Variants in SMTN observed in about 807,000 individuals in gnomAD.
The protein encoded by SMTN is smoothelin.
SMTN carries 58 observed loss-of-function variants against 102.0 expected under a neutral mutation model. The observed-to-expected ratio is 0.57, with a 90% CI of 0.46 to 0.71. The LOEUF is 0.71. Among genes scored for constraint, SMTN ranks in the 30% least tolerant of loss-of-function variants. The probability of loss-of-function intolerance (pLI) is 0.00; values close to 1 mark genes in which losing one functional copy is unlikely to be tolerated. For missense variants in SMTN, 1,185 were observed against 1,241.7 expected (o/e 0.95, Z 0.69); for synonymous variants, 478 against 497.9 (o/e 0.96, Z 0.53).
At chr22:31,099,258 T>G (rs371050897) in intron 18 of SMTN, 79 bp downstream of exon 18, 8 of 873,112 alleles carry the variant, frequency 9.2e-6, no homozygotes, top group African/African-American at 1.7e-5. Flanking sequence ...GAGCTCCTAT[T>G]ACCCAGTACA....
At chr22:31,072,741 C>T (rs1324055051) in intron 1 of SMTN, among the ~76,000 whole-genome samples, 1 of 152,140 alleles carries the variant, frequency 6.6e-6, no homozygotes, top group Admixed American at 6.6e-5. Context: ...GGATTACAGG[C>T]ATGAGCCACT....
chr22:31,100,867 GC>G lies in SMTN; in HGVS notation c.2604-13del. ...TGCCCCCGTCCCCCACCCCTTCCCG[GC>G]CCCCTACCCTCCCCAGGACCCATGC... On this transcript the variant is annotated splice_polypyrimidine_tract_variant and intron_variant, in intron 19 of 20. Transcript: ENST00000333137. 2 of 956,210 alleles carry G rather than the reference GC, an allele frequency of 2.1e-6. No individual in the cohort carries two copies. The highest frequency in any genetic ancestry group is 2.6e-5 in the Admixed American group (1 of 37,792). The allele number at this position is 956,210 out of a possible 1,614,324, so 59.2% of individuals were successfully genotyped here. A position where few individuals can be genotyped will look rare whatever the true frequency, so the allele number is the denominator to read the frequency against.
chr22:31,090,820 C>T lies in SMTN; in HGVS notation c.878C>T (p.Pro293Leu), dbSNP rs751724254. 6.2e-7 allele frequency: 1 copy of T among 1,613,638 alleles called. No individual in the cohort carries two copies. Among genetic ancestry groups the T allele is most frequent in the Non-Finnish European group, 8.5e-7 (1 of 1,179,800 alleles). ...SDTKRADVAGPRPCQRSLSVL... is the reference protein window; with the variant it reads ...SDTKRADVAGLRPCQRSLSVL... ...CCCAACCTGCCAGACGTGGCTGGAC[C>T]CCGACCCTGCCAACGCTCCCTGTCG... The change falls in exon 9 of 21, where the codon CCC becomes CTC. Residue 293 changes from proline (P) to leucine (L), a missense_variant. Pro to Leu is a moderately conservative substitution (Grantham distance 98). This residue lies in a region of SMTN where 1,096 missense variants were observed against 1,112.7 expected (regional missense o/e 0.98). Coordinates refer to ENST00000333137, the MANE Select transcript of SMTN (RefSeq NM_134269.3).
intron 3 of SMTN, 70 bp from the exon 4 acceptor site, chr22:31,088,443 C>A: frequency 7.1e-7 from 1 of 1,398,786 alleles, no homozygotes; most frequent in Non-Finnish European, 1.0e-6. Flanking sequence ...TGTTCTGGCT[C>A]CTACCCTTAG....
chr22:31,084,191 T>C (rs2042505190), intron 2 of SMTN, among the ~76,000 whole-genome samples: 1 of 152,288 alleles, frequency 6.6e-6, no homozygotes, highest in Admixed American at 6.5e-5. Flanking sequence ...GCAGGGCTCC[T>C]TCCCCAACCC....
chr22:31,088,677 G>A (rs775029027), intron 4 of SMTN, 22 bp from the exon 5 acceptor site: 56 of 1,613,622 alleles, frequency 3.5e-5, no homozygotes, highest in Non-Finnish European at 4.3e-5. Context: ...CCCAACACCC[G>A]CGACCTGTCT....
intron 1 of SMTN, chr22:31,082,863 C>T: frequency 6.5e-7 from 1 of 1,533,406 alleles, no homozygotes; most frequent in Non-Finnish European, 8.8e-7. Context: ...GTGGGTCTTG[C>T]CAGGCCCTGG....
chr22:31,098,944 A>T, intron 17 of SMTN, 104 bp downstream of exon 17: 2 of 1,547,470 alleles, frequency 1.3e-6, no homozygotes, highest in Admixed American at 3.3e-5. Flanking sequence ...CCGCGCGGCT[A>T]GATCTGTGGT....
chr22:31,092,505 C>T (rs191483159), intron 11 of SMTN: 1 of 471,204 alleles, frequency 2.1e-6, no homozygotes, highest in Admixed American at 2.3e-5. Context: ...GAAAGGGATC[C>T]CCAAGCGGGC....
intron 1 of SMTN, among the ~76,000 whole-genome samples, chr22:31,070,848 C>A (rs563133276): frequency 1.4e-4 from 21 of 150,146 alleles, no homozygotes; most frequent in African/African-American, 5.1e-4. Context: ...TGCTTGAACC[C>A]GGGAAGCAGA....
chr22:31,083,366 T>C, intron 2 of SMTN, 57 bp downstream of exon 2: 2 of 1,487,200 alleles, frequency 1.3e-6, no homozygotes. Context: ...AGAGGCAGGG[T>C]CAATCCAGGG....
intron 15 of SMTN, 96 bp downstream of exon 15, chr22:31,097,156 G>A (rs938338686): frequency 3.1e-5 from 46 of 1,498,962 alleles, no homozygotes; most frequent in Admixed American, 5.0e-5. Flanking sequence ...CAACTGTGCC[G>A]TCACTTTCTC....
chr22:31,085,229 G>A, intron 2 of SMTN: 1 of 1,533,740 alleles, frequency 6.5e-7, no homozygotes, highest in Non-Finnish European at 8.7e-7. Flanking sequence ...TCCGGACACT[G>A]AAGCAGGCGG....
Position 31,090,194 on chromosome 22 carries a change from C to T in SMTN, c.865+14C>T. On this transcript the variant is annotated intron_variant, in intron 8 of 20. Transcript: ENST00000333137. Reference sequence around the variant, plus strand: ...CCAAGAGAGCAGGTGAGGGTCCCAGCAGGGGTAGTCACAGGCATCTTTCTT... The same window carrying T: ...CCAAGAGAGCAGGTGAGGGTCCCAGTAGGGGTAGTCACAGGCATCTTTCTT... The T allele has an allele frequency of 6.3e-7, 1 of 1,595,482 alleles. No homozygotes were observed. The highest frequency in any genetic ancestry group is 1.1e-5 in the South Asian group (1 of 88,980).
chr22:31,082,864 C>A, intron 1 of SMTN: 1 of 1,534,200 alleles, frequency 6.5e-7, no homozygotes. Context: ...TGGGTCTTGC[C>A]AGGCCCTGGC....
intron 3 of SMTN, 161 bp downstream of exon 3, chr22:31,088,274 C>A: frequency 1.1e-6 from 1 of 939,486 alleles, no homozygotes. Context: ...TGTTTGTGGG[C>A]ATGGAGCATG....
rs551452116 is a variant in SMTN, at chr22:31,083,607, A to T, written c.51+298A>T. Reference sequence around the variant, plus strand: ...AGCCACAGGTGTGGGGAGGCTGGATATGCCTCTCCAGAGCAATAGCTCGGG... The same window carrying T: ...AGCCACAGGTGTGGGGAGGCTGGATTTGCCTCTCCAGAGCAATAGCTCGGG... On this transcript the variant is annotated intron_variant, in intron 2 of 20. Transcript: ENST00000333137. 5.7e-4 allele frequency: 165 copies of T among 290,672 alleles called. 1 individual carries two copies. Among genetic ancestry groups the T allele is most frequent in the Admixed American group, 1.9e-3 (40 of 21,114 alleles). The allele number at this position is 290,672 out of a possible 1,614,324, so 18.0% of individuals were successfully genotyped here. A position where few individuals can be genotyped will look rare whatever the true frequency, so the allele number is the denominator to read the frequency against.
At position 31,100,866 on chromosome 22, in the gene SMTN, G is replaced by A. The variant is rs757966467; in HGVS notation, c.2604-19G>A. The A allele has an allele frequency of 7.2e-5, 14 of 193,538 alleles. No individual in the cohort carries two copies. The highest frequency in any genetic ancestry group is 1.8e-4 in the East Asian group (1 of 5,568). 12.0% of individuals were successfully genotyped at this position (193,538 alleles called of 1,614,324 possible). ...CTGCCCCCGTCCCCCACCCCTTCCC[G>A]GCCCCCTACCCTCCCCAGGACCCAT... On this transcript the variant is annotated intron_variant, in intron 19 of 20. Transcript: ENST00000333137.
Position 31,089,936 on chromosome 22 carries a change from C to A in SMTN, c.709C>A (p.Pro237Thr), listed in dbSNP as rs770444400. Residue 237 changes from proline to threonine, a missense_variant, in exon 7 of 21, where the codon CCC becomes ACC. Pro to Thr is a conservative substitution (Grantham distance 38, BLOSUM62 -1). Around this residue, in one of 2 missense-constraint regions of SMTN, gnomAD observed 1,096 missense variants for 1,112.7 expected, o/e 0.98. Transcript: ENST00000333137. ...TAEVPGSPEPPPSPPKTTSPE... is the reference protein window; with the variant it reads ...TAEVPGSPEPTPSPPKTTSPE... ...TGAGGTTCCAGGCAGCCCAGAGCCA[C>A]CCCCCAGCCCACCCAAGACCACCAG... 6.2e-7 allele frequency: 1 copy of A among 1,601,178 alleles called. No homozygotes were observed. The highest frequency in any genetic ancestry group is 8.5e-7 in the Non-Finnish European group (1 of 1,173,864).
Sources: allele counts gnomAD v4.1 joint callset (sites outside exome capture counted in the v4.1 genomes callset), GRCh38; gene constraint gnomAD v4.1.1; regional missense constraint gnomAD v4.1.1; transcripts MANE v1.5; gene names NCBI Gene and HGNC (gene_info 2026-07-23, HGNC 2026-07-21).